Variants in GSK3B observed in about 807,000 individuals in gnomAD.
GSK3B encodes the protein glycogen synthase kinase-3 beta.
A neutral mutation model predicts 56.4 loss-of-function variants in GSK3B; 15 were observed. The observed-to-expected ratio is 0.27, with a 90% CI of 0.18 to 0.41. GSK3B has a LOEUF of 0.41. GSK3B is among the 10% of genes least tolerant of loss of function. The pLI is 1.00. For missense variants in GSK3B, 300 were observed against 513.4 expected, an observed-to-expected ratio of 0.58 and a Z score of 4.02; for synonymous variants, 181 against 188.9, an observed-to-expected ratio of 0.96 and a Z score of 0.34.
At chr3:120,027,910 C>G (rs2057941383) in intron 1 of GSK3B, among the ~76,000 whole-genome samples, 1 of 152,024 alleles carries the variant, frequency 6.6e-6, no homozygotes, top group Admixed American at 6.5e-5. Flanking sequence ...AAAAGATATT[C>G]AATTATATTC....
chr3:119,877,738 A>C (rs1253074712), intron 7 of GSK3B, among the ~76,000 whole-genome samples: 1 of 152,200 alleles, frequency 6.6e-6, no homozygotes, highest in Non-Finnish European at 1.5e-5. Flanking sequence ...GTATAATTAC[A>C]GTACACAACA....
intron 2 of GSK3B, 41 bp from the exon 3 acceptor site, chr3:119,947,392 C>A: frequency 8.4e-7 from 1 of 1,187,952 alleles, no homozygotes; most frequent in Non-Finnish European, 1.3e-6. Flanking sequence ...TAAAGGATAA[C>A]AGCTATTCAT....
intron 1 of GSK3B, among the ~76,000 whole-genome samples, chr3:120,004,275 G>C (rs971444737): frequency 3.3e-5 from 5 of 152,200 alleles, no homozygotes; most frequent in South Asian, 2.1e-4. Flanking sequence ...GCTCAAACTC[G>C]GCAGAGACCA....
intron 1 of GSK3B, among the ~76,000 whole-genome samples, chr3:120,045,622 C>T (rs2058096743): frequency 6.6e-6 from 1 of 152,214 alleles, no homozygotes; most frequent in South Asian, 2.1e-4. Context: ...AACCCCTTCT[C>T]TCCTTTGTTC....
chr3:120,077,686 G>A (rs1482393238), intron 1 of GSK3B, among the ~76,000 whole-genome samples: 3 of 151,888 alleles, frequency 2.0e-5, no homozygotes, highest in African/African-American at 7.3e-5. Context: ...TATGTGAGAT[G>A]GAGATGTTAA....
Position 119,984,464 on chromosome 3 carries a change from G to C in GSK3B, c.282+17582C>G, listed in dbSNP as rs546689303. 1.9e-4 allele frequency among the ~76,000 whole-genome samples: 29 copies of C among 151,160 alleles called. No homozygotes were observed. In the South Asian group the frequency reaches 4.0e-3, roughly 21 times the overall value. On this transcript the variant is annotated intron_variant, in intron 2 of 10. Transcript: ENST00000264235. Reference sequence around the variant, plus strand: ...AAAGATCAACAAAATTGATAGACCGGTAGCAAGATTAATAAAGAAGAAAAG... The same window carrying C: ...AAAGATCAACAAAATTGATAGACCGCTAGCAAGATTAATAAAGAAGAAAAG...
At chr3:119,955,025 C>A (rs571476058) in intron 2 of GSK3B, among the ~76,000 whole-genome samples, 2 of 151,990 alleles carry the variant, frequency 1.3e-5, no homozygotes, top group Admixed American at 6.5e-5. Context: ...ATAGAAAGTT[C>A]TACTTTCATA....
intron 7 of GSK3B, among the ~76,000 whole-genome samples, chr3:119,898,764 A>G (rs910372789): frequency 6.6e-6 from 1 of 152,178 alleles, no homozygotes; most frequent in Non-Finnish European, 1.5e-5. Flanking sequence ...ACGTAGTACC[A>G]AACTATATAC....
intron 3 of GSK3B, among the ~76,000 whole-genome samples, chr3:119,941,438 C>A (rs1036485328): frequency 2.0e-5 from 3 of 152,222 alleles, no homozygotes; most frequent in Non-Finnish European, 4.4e-5. Context: ...AACACTATAG[C>A]ATACTATACA....
intron 1 of GSK3B, among the ~76,000 whole-genome samples, chr3:120,012,534 A>G (rs1163394446): frequency 6.6e-6 from 1 of 152,198 alleles, no homozygotes; most frequent in Non-Finnish European, 1.5e-5. Context: ...TTCCCTACAT[A>G]ATTAAAACAC....
At chr3:119,898,983 G>A (rs1264605965) in intron 7 of GSK3B, among the ~76,000 whole-genome samples, 1 of 152,068 alleles carries the variant, frequency 6.6e-6, no homozygotes, top group Non-Finnish European at 1.5e-5. Context: ...GATGAAGTGA[G>A]GTGAATTACA....
chr3:119,879,422 T>C (rs1471996916), intron 7 of GSK3B, among the ~76,000 whole-genome samples: 1 of 152,080 alleles, frequency 6.6e-6, no homozygotes, highest in Non-Finnish European at 1.5e-5. Context: ...ACCTCGTGAT[T>C]TACCCACTTC....
At chr3:119,876,371 G>A in intron 8 of GSK3B, 42 bp downstream of exon 8, 1 of 1,016,274 alleles carries the variant, frequency 9.8e-7, no homozygotes, top group South Asian at 1.3e-5. Flanking sequence ...ACCTGTTTTA[G>A]TTAACTACTG....
At chr3:120,075,295 G>C (rs1285881025) in intron 1 of GSK3B, among the ~76,000 whole-genome samples, 2 of 152,056 alleles carry the variant, frequency 1.3e-5, no homozygotes, top group Non-Finnish European at 2.9e-5. Flanking sequence ...GAGAAACTGA[G>C]AACTTTTCCT....
At chr3:119,945,209 G>C (rs1479030318) in intron 3 of GSK3B, among the ~76,000 whole-genome samples, 2 of 152,064 alleles carry the variant, frequency 1.3e-5, no homozygotes, top group African/African-American at 4.8e-5. Context: ...TGACAAAGAA[G>C]GACCATTATT....
At chr3:119,962,074 G>A (rs2057277623) in intron 2 of GSK3B, among the ~76,000 whole-genome samples, 1 of 152,140 alleles carries the variant, frequency 6.6e-6, no homozygotes, top group Admixed American at 6.5e-5. Flanking sequence ...TGGAGCATGT[G>A]TATATGAAAA....
intron 1 of GSK3B, among the ~76,000 whole-genome samples, chr3:120,042,853 T>C (rs370533410): frequency 1.1e-4 from 17 of 152,220 alleles, no homozygotes; most frequent in African/African-American, 3.9e-4. Context: ...AAAGACTCAG[T>C]TGCCATGGAC....
At chr3:120,075,225 G>A (rs768773415) in intron 1 of GSK3B, among the ~76,000 whole-genome samples, 49 of 152,142 alleles carry the variant, frequency 3.2e-4, no homozygotes, top group Admixed American at 7.9e-4. Context: ...TAGAAGGCAA[G>A]TTCCTCAGTA....
intron 1 of GSK3B, among the ~76,000 whole-genome samples, chr3:120,072,280 G>C (rs567333914): frequency 6.6e-6 from 1 of 152,088 alleles, no homozygotes; most frequent in African/African-American, 2.4e-5. Context: ...ATCTTCGGCC[G>C]GGCACGGTAG....
Sources: allele counts gnomAD v4.1 joint callset (sites outside exome capture counted in the v4.1 genomes callset), GRCh38; gene constraint gnomAD v4.1.1; transcripts MANE v1.5; gene names NCBI Gene and HGNC (gene_info 2026-07-23, HGNC 2026-07-21).